PXYLP1: variants seen among roughly 807,000 people sequenced by gnomAD.
PXYLP1 encodes the protein 2-phosphoxylose phosphatase 1.
A neutral mutation model predicts 37.9 loss-of-function variants in PXYLP1; 17 were observed. That is an observed-to-expected ratio of 0.45 (90% CI 0.31 to 0.67). The LOEUF is 0.67. Ranked by LOEUF, PXYLP1 falls within the 30% of genes least tolerant of loss-of-function variation. The probability of loss-of-function intolerance (pLI) is 0.07; values close to 1 mark genes in which losing one functional copy is unlikely to be tolerated. For synonymous variants in PXYLP1, 221 were observed against 232.2 expected, an observed-to-expected ratio of 0.95 and a Z score of 0.44; for missense variants, 511 against 612.0, an observed-to-expected ratio of 0.84 and a Z score of 1.74.
chr3:141,232,684 G>C (rs903051757), intron 1 of PXYLP1, among the ~76,000 whole-genome samples: 12 of 152,076 alleles, frequency 7.9e-5, no homozygotes, highest in African/African-American at 2.7e-4. Context: ...CACACACAGA[G>C]AGAGAGAGAA....
intron 2 of PXYLP1, chr3:141,273,667 G>T: frequency 1.0e-6 from 1 of 985,378 alleles, no homozygotes; most frequent in Non-Finnish European, 1.2e-6. Context: ...GACCTTGTCG[G>T]CATCTTTACA....
chr3:141,293,020 C>G lies in PXYLP1; in HGVS notation c.1258C>G (p.Arg420Gly). 1 of 1,614,146 alleles carries G rather than the reference C, an allele frequency of 6.2e-7. No individual in the cohort carries two copies. Among genetic ancestry groups the G allele is most frequent in the Non-Finnish European group, 8.5e-7 (1 of 1,180,032 alleles). The change falls in exon 6 of 6, where the codon CGG becomes GGG. Residue 420 changes from arginine (R) to glycine (G), a missense_variant. Coordinates refer to ENST00000286353, the MANE Select transcript of PXYLP1 (RefSeq NM_001037172.3). ...DREKPSEHSVRILYNGVDVTF... is the reference protein window; with the variant it reads ...DREKPSEHSVGILYNGVDVTF... ...AGAAAAGCCCAGTGAACATTCCGTC[C>G]GGATTCTTTACAATGGCGTCGATGT...
intron 1 of PXYLP1, among the ~76,000 whole-genome samples, chr3:141,247,292 T>C (rs1940981896): frequency 6.6e-6 from 1 of 152,262 alleles, no homozygotes; most frequent in Non-Finnish European, 1.5e-5. Context: ...TTGACATCCA[T>C]GGAGCATTAT....
At chr3:141,259,207 TGAA>T (rs1405186715) in intron 1 of PXYLP1, among the ~76,000 whole-genome samples, 8 of 152,228 alleles carry the variant, frequency 5.3e-5, no homozygotes, top group Admixed American at 4.6e-4. Context: ...GTCTGATCTC[TGAA>T]GAAGATTATA....
intron 5 of PXYLP1, among the ~76,000 whole-genome samples, chr3:141,287,881 C>A (rs1284253917): frequency 6.6e-6 from 1 of 152,244 alleles, no homozygotes; most frequent in African/African-American, 2.4e-5. Context: ...TCCACTACAT[C>A]ATTTATGATA....
At chr3:141,238,248 G>A (rs1005016530) in intron 1 of PXYLP1, among the ~76,000 whole-genome samples, 1 of 152,208 alleles carries the variant, frequency 6.6e-6, no homozygotes, top group African/African-American at 2.4e-5. Flanking sequence ...GACGGGCATG[G>A]GTTTCCTAAC....
chr3:141,281,414 AG>A (rs1941951570), intron 4 of PXYLP1, among the ~76,000 whole-genome samples: 1 of 152,200 alleles, frequency 6.6e-6, no homozygotes, highest in African/African-American at 2.4e-5. Context: ...CGAAGAAGAA[AG>A]GCCGCTTGTT....
chr3:141,278,428 C>T lies in PXYLP1; in HGVS notation c.166C>T (p.Pro56Ser). 6.2e-7 allele frequency: 1 copy of T among 1,614,192 alleles called. No homozygotes were observed. ...RIMPDPVTEP[P>S]VTDPVYEALL... ...CATGCCCGACCCTGTGACGGAGCCC[C>T]CTGTGACAGACCCCGTTTATGAAGC... The change falls in exon 3 of 6, where the codon CCT (proline) becomes TCT (serine). Residue 56 changes from proline to serine, a missense_variant. Physicochemically the swap from Pro to Ser is moderately conservative, Grantham distance 74. Coordinates refer to ENST00000286353, the MANE Select transcript of PXYLP1 (RefSeq NM_001037172.3).
intron 4 of PXYLP1, among the ~76,000 whole-genome samples, chr3:141,283,722 T>C (rs10935427): frequency 0.5 from 75,869 of 151,302 alleles, 20,494 homozygotes; most frequent in South Asian, 0.67. Context: ...GTATGCTCTT[T>C]TGGATTGTGT....
At chr3:141,279,978 T>C (rs1248605027) in intron 4 of PXYLP1, among the ~76,000 whole-genome samples, 1 of 152,208 alleles carries the variant, frequency 6.6e-6, no homozygotes, top group Non-Finnish European at 1.5e-5. Flanking sequence ...TGCAGAGCCA[T>C]ATAAATGTAA....
At chr3:141,262,948 C>T (rs1014703156) in intron 2 of PXYLP1, among the ~76,000 whole-genome samples, 1 of 152,124 alleles carries the variant, frequency 6.6e-6, no homozygotes, top group Non-Finnish European at 1.5e-5. Flanking sequence ...ACCAAATTAG[C>T]ATATATAATT....
intron 4 of PXYLP1, among the ~76,000 whole-genome samples, chr3:141,281,581 G>A (rs1941957043): frequency 6.6e-6 from 1 of 152,222 alleles, no homozygotes; most frequent in Non-Finnish European, 1.5e-5. Flanking sequence ...GCAAGAAGTA[G>A]AAATGGAAGT....
At chr3:141,274,706 G>T in intron 2 of PXYLP1, 1 of 703,732 alleles carries the variant, frequency 1.4e-6, no homozygotes, top group South Asian at 1.5e-5. Flanking sequence ...CTGGATGTTT[G>T]GGATGGCAGG....
At chr3:141,262,572 T>C (rs1941416625) in intron 2 of PXYLP1, 1 of 1,320,202 alleles carries the variant, frequency 7.6e-7, no homozygotes, top group Non-Finnish European at 1.0e-6. Flanking sequence ...GAAAGTACCT[T>C]CTGTTTTAGG....
intron 5 of PXYLP1, among the ~76,000 whole-genome samples, chr3:141,290,917 C>T (rs1407860346): frequency 6.6e-6 from 1 of 152,130 alleles, no homozygotes; most frequent in African/African-American, 2.4e-5. Flanking sequence ...AAAATAGGCC[C>T]CGCAGTGAAC....
Position 141,293,336 on chromosome 3 carries a change from C to A in PXYLP1, c.*131C>A. The stretch of plus-strand genomic sequence containing the variant: ...AAGGCTAAATATTGTTTGTGGGAAC[C>A]ACAGATGGTTGGGGTTGAACAGTAA... On this transcript the variant is annotated 3_prime_UTR_variant, in exon 6 of 6. Coordinates refer to ENST00000286353, the MANE Select transcript of PXYLP1 (RefSeq NM_001037172.3). The A allele has an allele frequency of 2.0e-6, 2 of 991,292 alleles. No individual in the cohort carries two copies. The highest frequency in any genetic ancestry group is 2.9e-6 in the Non-Finnish European group (2 of 692,776). The allele number at this position is 991,292 out of a possible 1,614,324, so 61.4% of individuals were successfully genotyped here.
chr3:141,273,503 T>C, intron 2 of PXYLP1: 1 of 973,418 alleles, frequency 1.0e-6, no homozygotes, highest in Non-Finnish European at 1.2e-6. Flanking sequence ...ATTCGGGAGA[T>C]GGGGTGGGGA....
At chr3:141,245,927 T>C (rs1940924551) in intron 1 of PXYLP1, among the ~76,000 whole-genome samples, 2 of 152,210 alleles carry the variant, frequency 1.3e-5, no homozygotes, top group African/African-American at 4.8e-5. Context: ...TTTCAGAGCA[T>C]TTAATGTCAG....
At chr3:141,288,504 A>C (rs1384723361) in intron 5 of PXYLP1, among the ~76,000 whole-genome samples, 1 of 152,214 alleles carries the variant, frequency 6.6e-6, no homozygotes, top group African/African-American at 2.4e-5. Context: ...ATTACTTTAG[A>C]ACGAGGGTTT....
Sources: allele counts gnomAD v4.1 joint callset (sites outside exome capture counted in the v4.1 genomes callset), GRCh38; gene constraint gnomAD v4.1.1; transcripts MANE v1.5; gene names NCBI Gene and HGNC (gene_info 2026-07-23, HGNC 2026-07-21).